The following RAB31 variants were observed in gnomAD, a reference collection of about 807,000 sequenced individuals.
RAB31 encodes the protein RAB31, member RAS oncogene family, also known as ras-related protein Rab-31.
In RAB31, 21 loss-of-function variants were observed where a neutral mutation model predicts 25.6. The ratio of observed to expected loss-of-function variants is 0.82; its 90% CI spans 0.58 to 1.18. The LOEUF (loss-of-function observed/expected upper bound fraction) is 1.18, where lower values mean the gene tolerates loss of function less well. Ranked by LOEUF, RAB31 falls within the 50% of genes most tolerant of loss-of-function variation. The pLI, the probability that RAB31 is intolerant of heterozygous loss-of-function variation, is 0.00. For synonymous variants in RAB31, 87 were observed against 84.0 expected, an observed-to-expected ratio of 1.04 and a Z score of -0.20; for missense variants, 196 against 250.1, an observed-to-expected ratio of 0.78 and a Z score of 1.46.
chr18:9,709,396 G>GT (rs1351419554), intron 1 of RAB31, among the ~76,000 whole-genome samples: 1 of 152,078 alleles, frequency 6.6e-6, no homozygotes, highest in East Asian at 1.9e-4. Context: ...GTACCCGCCC[G>GT]TGTCATTGGC....
chr18:9,714,744 A>C (rs1014900046), intron 1 of RAB31, among the ~76,000 whole-genome samples: 3 of 152,080 alleles, frequency 2.0e-5, no homozygotes, highest in Non-Finnish European at 2.9e-5. Flanking sequence ...TTATGCTGGG[A>C]GCTGTGGGTG....
chr18:9,726,362 C>T (rs1341558759), intron 1 of RAB31, among the ~76,000 whole-genome samples: 1 of 152,148 alleles, frequency 6.6e-6, no homozygotes, highest in African/African-American at 2.4e-5. Context: ...CAGGGTGGCA[C>T]AGTGGAGGGC....
intron 5 of RAB31, among the ~76,000 whole-genome samples, chr18:9,832,384 AC>A: frequency 6.6e-6 from 1 of 152,336 alleles, no homozygotes; most frequent in Non-Finnish European, 1.5e-5. Flanking sequence ...TCCTGGAATG[AC>A]CGATGCAAAG....
At chr18:9,850,048 A>T (rs2068781291) in intron 6 of RAB31, among the ~76,000 whole-genome samples, 1 of 152,170 alleles carries the variant, frequency 6.6e-6, no homozygotes, top group Non-Finnish European at 1.5e-5. Context: ...TCCAGGAGAG[A>T]AGTGGCTTGG....
intron 1 of RAB31, among the ~76,000 whole-genome samples, chr18:9,741,591 G>A (rs1388568436): frequency 6.6e-6 from 1 of 152,084 alleles, no homozygotes; most frequent in Non-Finnish European, 1.5e-5. Context: ...TGGGAGGAAG[G>A]GGCCAGCAGG....
chr18:9,821,285 G>A (rs913141942), intron 5 of RAB31, among the ~76,000 whole-genome samples: 2 of 152,058 alleles, frequency 1.3e-5, no homozygotes, highest in Non-Finnish European at 2.9e-5. Flanking sequence ...AATGTTCTAA[G>A]TGAGCCCGAT....
intron 1 of RAB31, among the ~76,000 whole-genome samples, chr18:9,769,542 C>G (rs1395315106): frequency 6.6e-6 from 1 of 152,144 alleles, no homozygotes; most frequent in East Asian, 1.9e-4. Context: ...GATTTTGTAT[C>G]CTGAGACTTT....
chr18:9,714,959 T>C (rs368449357), intron 1 of RAB31, among the ~76,000 whole-genome samples: 13 of 152,300 alleles, frequency 8.5e-5, no homozygotes, highest in African/African-American at 2.9e-4. Flanking sequence ...GACAGAAAGT[T>C]CTTGCTCCAG....
chr18:9,858,931 G>A (rs1344349873), intron 6 of RAB31, among the ~76,000 whole-genome samples: 1 of 152,138 alleles, frequency 6.6e-6, no homozygotes, highest in Non-Finnish European at 1.5e-5. Flanking sequence ...GATGGGAGCT[G>A]CCCCCAGGAG....
chr18:9,741,868 A>G (rs974031342), intron 1 of RAB31, among the ~76,000 whole-genome samples: 1 of 152,194 alleles, frequency 6.6e-6, no homozygotes, highest in Non-Finnish European at 1.5e-5. Context: ...CATACCCCTC[A>G]TCCACTGCCT....
chr18:9,739,685 G>A (rs1459465887), intron 1 of RAB31, among the ~76,000 whole-genome samples: 3 of 152,192 alleles, frequency 2.0e-5, no homozygotes, highest in Non-Finnish European at 4.4e-5. Context: ...CCAGATTATA[G>A]TGACTTCAGC....
At chr18:9,801,073 G>T (rs2068511799) in intron 3 of RAB31, among the ~76,000 whole-genome samples, 1 of 152,142 alleles carries the variant, frequency 6.6e-6, no homozygotes. Context: ...GGTTCTTTGT[G>T]ACTGGATCCT....
chr18:9,725,707 C>T (rs1277189456), intron 1 of RAB31, among the ~76,000 whole-genome samples: 2 of 152,124 alleles, frequency 1.3e-5, no homozygotes, highest in Non-Finnish European at 2.9e-5. Flanking sequence ...ATAATTTGAA[C>T]CAGGTTTGAA....
At chr18:9,774,229 A>G (rs2068360553) in intron 1 of RAB31, among the ~76,000 whole-genome samples, 1 of 152,092 alleles carries the variant, frequency 6.6e-6, no homozygotes, top group Non-Finnish European at 1.5e-5. Flanking sequence ...GGGAGCCTTC[A>G]CTGCTTCTGT....
At chr18:9,811,278 C>T (rs1301664728) in intron 3 of RAB31, among the ~76,000 whole-genome samples, 1 of 152,224 alleles carries the variant, frequency 6.6e-6, no homozygotes, top group African/African-American at 2.4e-5. Flanking sequence ...AGTCCTTTCT[C>T]TTCAGGATGG....
chr18:9,777,754 C>CTTT (rs36009427), intron 2 of RAB31, among the ~76,000 whole-genome samples: 179 of 113,940 alleles, frequency 1.6e-3, no homozygotes, highest in Non-Finnish European at 2.2e-3. Flanking sequence ...TTGTAATGAC[C>CTTT]TTTTTTTTTT....
chr18:9,754,080 A>G (rs2068248857), intron 1 of RAB31, among the ~76,000 whole-genome samples: 2 of 152,178 alleles, frequency 1.3e-5, no homozygotes, highest in African/African-American at 2.4e-5. Context: ...TGCGTCATGA[A>G]GAGGAATTGA....
chr18:9,845,541 A>G, intron 5 of RAB31, 41 bp from the exon 6 acceptor site: 1 of 1,475,296 alleles, frequency 6.8e-7, no homozygotes, highest in Admixed American at 2.8e-5. Context: ...TATTTTACAA[A>G]CAAACATTCA....
At chr18:9,813,985 A>G (rs927726203) in intron 3 of RAB31, 35 bp from the exon 4 acceptor site, 1 of 1,439,098 alleles carries the variant, frequency 6.9e-7, no homozygotes, top group Admixed American at 1.9e-5. Context: ...AAGTCTGTTC[A>G]CTTTGGCCTA....
Sources: allele counts gnomAD v4.1 joint callset (sites outside exome capture counted in the v4.1 genomes callset), GRCh38; gene constraint gnomAD v4.1.1; transcripts MANE v1.5; gene names NCBI Gene and HGNC (gene_info 2026-07-23, HGNC 2026-07-21).